Variants in SLC30A2 observed in about 807,000 individuals in gnomAD.
SLC30A2 encodes solute carrier family 30 member 2.
In SLC30A2, 19 loss-of-function variants were observed where a neutral mutation model predicts 39.6. That is an observed-to-expected ratio of 0.48 (90% confidence interval 0.34 to 0.70). The LOEUF (loss-of-function observed/expected upper bound fraction) is 0.70. Among genes scored for constraint, SLC30A2 ranks in the 30% least tolerant of loss-of-function variants. The probability of loss-of-function intolerance (pLI) is 0.01; values close to 1 mark genes in which losing one functional copy is unlikely to be tolerated. For missense variants in SLC30A2, 387 were observed against 479.4 expected (o/e 0.81, Z 1.80); for synonymous variants, 195 against 194.8 (o/e 1.00, Z -0.01).
chr1:26,039,972 G>A lies in SLC30A2; in HGVS notation c.839-61C>T, dbSNP rs1444080694. On this transcript the variant is annotated intron_variant, in intron 6 of 7. Coordinates refer to ENST00000374276, the MANE Select transcript of SLC30A2 (RefSeq NM_001004434.3). The surrounding 1 kb of genome is among the most constrained non-coding windows in gnomAD (Gnocchi z 4.3). ...CTACCCCTCCCACGCCTGCCCATTG[G>A]TGCAGGGCTGGCTCCTGATCCTCAG... 3.1e-6 allele frequency: 5 copies of A among 1,594,182 alleles called. 1 individual carries two copies. The South Asian group carries it at 5.5e-5, about 18-fold the overall frequency.
Position 26,045,187 on chromosome 1 carries a change from C to T in SLC30A2, c.81G>A (p.Gly27=). ...RSYTGSLWQE[G]AGWIPLPRPG... ...GTCGGGGCAGAGGAATCCAGCCAGC[C>T]CCTTCCTGCCACAGAGATCCCGTGT... The change falls in exon 2 of 8, where the codon GGG becomes GGA. Residue 27 remains glycine (G), a synonymous_variant. Transcript: ENST00000374276. 1.2e-6 allele frequency: 2 copies of T among 1,612,346 alleles called. No individual in the cohort carries two copies. The highest frequency in any genetic ancestry group is 1.7e-6 in the Non-Finnish European group (2 of 1,179,818).
chr1:26,039,363 C>G lies in SLC30A2; in HGVS notation c.974-58G>C. 1 of 1,381,850 alleles carries G rather than the reference C, an allele frequency of 7.2e-7. No homozygotes were observed. Among genetic ancestry groups the G allele is most frequent in the South Asian group, 1.2e-5 (1 of 82,982 alleles). The allele number at this position is 1,381,850 out of a possible 1,614,324, so 85.6% of individuals were successfully genotyped here. A position where few individuals can be genotyped will look rare whatever the true frequency, so the allele number is the denominator to read the frequency against. ...ATTTACTCTGGCCCTTTGGAACCATCAGGAGCCCAAATCTCATACCCCATC... is the reference window on the plus strand; with the variant it reads ...ATTTACTCTGGCCCTTTGGAACCATGAGGAGCCCAAATCTCATACCCCATC... On this transcript the variant is annotated intron_variant, in intron 7 of 7. Transcript: ENST00000374276. The surrounding 1 kb of genome is among the most constrained non-coding windows in gnomAD (Gnocchi z 4.3).
At chr1:26,041,374 G>A (rs1314987200) in intron 6 of SLC30A2, among the ~76,000 whole-genome samples, 3 of 152,198 alleles carry the variant, frequency 2.0e-5, no homozygotes, top group African/African-American at 4.8e-5. Context: ...AGAGCCTGGG[G>A]AAGTGTATAG....
rs1208574995 is a variant in SLC30A2, at chr1:26,043,508, C to A, written c.462G>T (p.Val154=). ...ALVSVLSIWV[V]TGVLVYLAVE... ...CAGCCAGGTACACCAGTACCCCCGTCACGACCCAGATGGACAGTACAGAGA... is the reference window on the plus strand; with the variant it reads ...CAGCCAGGTACACCAGTACCCCCGTAACGACCCAGATGGACAGTACAGAGA... Residue 154 remains valine (V), a synonymous_variant, in exon 4 of 8, where the codon GTG becomes GTT. Transcript: ENST00000374276. 6.2e-7 allele frequency: 1 copy of A among 1,614,160 alleles called. No individual in the cohort carries two copies. The highest frequency in any genetic ancestry group is 8.5e-7 in the Non-Finnish European group (1 of 1,180,006).
In SLC30A2 at chr1:26,039,894, C is replaced by T. The variant is rs755953666; in HGVS notation, c.856G>A (p.Asp286Asn). The change falls in exon 7 of 8, where the codon GAC becomes AAC. Residue 286 changes from aspartate (D) to asparagine (N), a missense_variant. Transcript: ENST00000374276. This position sits in a 1 kb window ranked among gnomAD's most constrained non-coding sequence, Gnocchi z 4.3. Reference sequence around the variant, plus strand: ...AGCAGATCACGAACAGCTGTGAAGTCAACGCCCTTGGGGGTCCCTGAGGAC... The same window carrying T: ...AGCAGATCACGAACAGCTGTGAAGTTAACGCCCTTGGGGGTCCCTGAGGAC... ...VLMEGTPKGV[D>N]FTAVRDLLLS... 1.2e-6 allele frequency: 2 copies of T among 1,614,056 alleles called. No individual in the cohort carries two copies. Among genetic ancestry groups the T allele is most frequent in the Admixed American group, 1.7e-5 (1 of 60,016 alleles).
rs898661642 is a variant in SLC30A2, at chr1:26,038,255, T to C, written c.*905A>G. On this transcript the variant is annotated 3_prime_UTR_variant, in exon 8 of 8. Transcript: ENST00000374276. ...AAAAGCCACCCCTAAGTCAGGAATCTTCACACACAAGCCCCAGGAAGCTGC... is the reference window on the plus strand; with the variant it reads ...AAAAGCCACCCCTAAGTCAGGAATCCTCACACACAAGCCCCAGGAAGCTGC... 3.9e-5 allele frequency: 6 copies of C among 152,258 alleles called. No individual in the cohort carries two copies. The highest frequency in any genetic ancestry group is 8.8e-5 in the Non-Finnish European group (6 of 68,078). The allele number at this position is 152,258 out of a possible 1,614,324, so 9.4% of individuals were successfully genotyped here.
At position 26,044,358 on chromosome 1, in the gene SLC30A2, A is replaced by G. The variant is rs2050435412; in HGVS notation, c.358T>C (p.Ser120Pro). Residue 120 changes from serine (S) to proline (P), a missense_variant, in exon 3 of 8, where the codon TCC becomes CCC. Coordinates refer to ENST00000374276, the MANE Select transcript of SLC30A2 (RefSeq NM_001004434.3). The stretch of plus-strand genomic sequence containing the variant: ...GCTGGCCGGGAGGACATCCAGAGGG[A>G]GAAGAGGCTGATGAGCATGCTGGCA... ...DFASMLISLFSLWMSSRPATK... is the reference protein window; with the variant it reads ...DFASMLISLFPLWMSSRPATK... 6.2e-7 allele frequency: 1 copy of G among 1,613,890 alleles called. No individual in the cohort carries two copies. Among genetic ancestry groups the G allele is most frequent in the African/African-American group, 1.3e-5 (1 of 74,904 alleles).
chr1:26,041,154 C>T lies in SLC30A2; in HGVS notation c.838+546G>A, dbSNP rs116240614. ...TCAGGGCAGACCAGATCATTCTCCA[C>T]CACTGACCGTTCTCCAACCCCACAA... On this transcript the variant is annotated intron_variant, in intron 6 of 7. Transcript: ENST00000374276. Among the ~76,000 whole-genome samples the T allele has an allele frequency of 9.7e-3, 1,470 of 152,166 alleles. 24 individuals are homozygous for T. The highest frequency in any genetic ancestry group is 0.034 in the African/African-American group (1,397 of 41,518).
At position 26,046,041 on chromosome 1, in the gene SLC30A2, C is replaced by A; in HGVS notation, c.-145G>T. 1 of 1,359,312 alleles carries A rather than the reference C, an allele frequency of 7.4e-7. No homozygotes were observed. Among genetic ancestry groups the A allele is most frequent in the Non-Finnish European group, 9.4e-7 (1 of 1,064,678 alleles). The allele number at this position is 1,359,312 out of a possible 1,614,324, so 84.2% of individuals were successfully genotyped here. A position where few individuals can be genotyped will look rare whatever the true frequency, so the allele number is the denominator to read the frequency against. ...TCACTCCGGCCCGGCTCCTGCGGCC[C>A]CTGAGCTCCCCCGGCTCCCGCTGCG... is the stretch of plus-strand genomic sequence containing the variant. On this transcript the variant is annotated 5_prime_UTR_variant, in exon 1 of 8. Coordinates refer to ENST00000374276, the MANE Select transcript of SLC30A2 (RefSeq NM_001004434.3). This position sits in a 1 kb window ranked among gnomAD's most constrained non-coding sequence, Gnocchi z 4.4.
intron 5 of SLC30A2, 26 bp from the exon 6 acceptor site, chr1:26,041,831 T>G: frequency 7.2e-7 from 1 of 1,394,622 alleles, no homozygotes; most frequent in Non-Finnish European, 1.0e-6. Context: ...AAGGCAGACC[T>G]GGAGTTCACC....
At chr1:26,043,625 G>A in intron 3 of SLC30A2, 74 bp from the exon 4 acceptor site, 1 of 1,475,894 alleles carries the variant, frequency 6.8e-7, no homozygotes, top group African/African-American at 1.4e-5. Flanking sequence ...CTTCCTTCAG[G>A]ATCCTCCCCA....
At chr1:26,043,345 G>T in intron 4 of SLC30A2, 53 bp downstream of exon 4, 3 of 1,562,072 alleles carry the variant, frequency 1.9e-6, no homozygotes, top group Non-Finnish European at 1.8e-6. Flanking sequence ...ATAGGTGTGG[G>T]TGTGAGAGGC....
At position 26,039,446 on chromosome 1, in the gene SLC30A2, C is replaced by G; in HGVS notation, c.974-141G>C. The G allele has an allele frequency of 2.8e-6, 2 of 702,828 alleles. No homozygotes were observed. The highest frequency in any genetic ancestry group is 4.7e-6 in the Non-Finnish European group (2 of 428,104). 43.5% of individuals were successfully genotyped at this position (702,828 alleles called of 1,614,324 possible). On this transcript the variant is annotated intron_variant, in intron 7 of 7. Coordinates refer to ENST00000374276, the MANE Select transcript of SLC30A2 (RefSeq NM_001004434.3). This position sits in a 1 kb window ranked among gnomAD's most constrained non-coding sequence, Gnocchi z 4.3. ...GGAGAAGCCCCCAGATTCCATTCCTCTGCCAGGTAGCCTCCCAGCCCAGAC... is the reference window on the plus strand; with the variant it reads ...GGAGAAGCCCCCAGATTCCATTCCTGTGCCAGGTAGCCTCCCAGCCCAGAC...
Position 26,043,644 on chromosome 1 carries a change from C to T in SLC30A2, c.419-93G>A, listed in dbSNP as rs892135186. 15 of 1,356,904 alleles carry T rather than the reference C, an allele frequency of 1.1e-5. No homozygotes were observed. The African/African-American group carries it at 2.2e-4, about 20-fold the overall frequency. The allele number at this position is 1,356,904 out of a possible 1,614,324, so 84.1% of individuals were successfully genotyped here. On this transcript the variant is annotated intron_variant, in intron 3 of 7. Transcript: ENST00000374276. ...CTTCAGGATCCTCCCCACCCACCTC[C>T]CACACAAAGTCAGGGCCTGGGTCCC...
chr1:26,040,615 G>A (rs532957261), intron 6 of SLC30A2, among the ~76,000 whole-genome samples: 1 of 152,266 alleles, frequency 6.6e-6, no homozygotes, highest in Admixed American at 6.5e-5. Flanking sequence ...CCCACCCAGG[G>A]CACGATCATC....
rs1430309843 is a variant in SLC30A2, at chr1:26,044,959, A to G, written c.271+38T>C. The G allele has an allele frequency of 5.2e-6, 8 of 1,543,768 alleles. No homozygotes were observed. The Admixed American group carries it at 6.7e-5, about 13-fold the overall frequency. ...ATTGCTGGGAACATCCAGTCTATCC[A>G]TGCACCAACTTCATTTAATTAGCCC... On this transcript the variant is annotated intron_variant, in intron 2 of 7. Coordinates refer to ENST00000374276, the MANE Select transcript of SLC30A2 (RefSeq NM_001004434.3).
At chr1:26,041,096 C>CA (rs1299396319) in intron 6 of SLC30A2, among the ~76,000 whole-genome samples, 1 of 148,602 alleles carries the variant, frequency 6.7e-6, no homozygotes, top group Non-Finnish European at 1.5e-5. Context: ...GACCCTGTTT[C>CA]AAAAAAAAGA....
At position 26,039,217 on chromosome 1, in the gene SLC30A2, G is replaced by A. The variant is rs147469106; in HGVS notation, c.1062C>T (p.Ile354=). Reference sequence around the variant, plus strand: ...CCTTCATGTCCTCCGAGTAGTCCTCGATCTGGATGGTCACGGTGTGGAAGT... The same window carrying A: ...CCTTCATGTCCTCCGAGTAGTCCTCAATCTGGATGGTCACGGTGTGGAAGT... ...KFHFHTVTIQ[I]EDYSEDMKDC... The change falls in exon 8 of 8, where the codon ATC becomes ATT. Residue 354 remains isoleucine (I), a synonymous_variant. Transcript: ENST00000374276. The surrounding 1 kb of genome is among the most constrained non-coding windows in gnomAD (Gnocchi z 4.3). 237 of 1,614,132 alleles carry A rather than the reference G, an allele frequency of 1.5e-4. No individual in the cohort carries two copies. Among genetic ancestry groups the A allele is most frequent in the African/African-American group, 2.4e-4 (18 of 75,054 alleles).
chr1:26,039,291 C>A lies in SLC30A2; in HGVS notation c.988G>T (p.Ala330Ser), dbSNP rs149723161. ...CTGGCTGTCTTCAGCACAGCCTGGG[C>A]GTCTGTATTCTGAGCTGGGGGCCGA... ...VHIAIAQNTDAQAVLKTASSR... is the reference protein window; with the variant it reads ...VHIAIAQNTDSQAVLKTASSR... Residue 330 changes from alanine (A) to serine (S), a missense_variant, in exon 8 of 8, where the codon GCC becomes TCC. Coordinates refer to ENST00000374276, the MANE Select transcript of SLC30A2 (RefSeq NM_001004434.3). The surrounding 1 kb of genome is among the most constrained non-coding windows in gnomAD (Gnocchi z 4.3). The A allele has an allele frequency of 3.1e-6, 5 of 1,613,646 alleles. No homozygotes were observed. Among genetic ancestry groups the A allele is most frequent in the Non-Finnish European group, 4.2e-6 (5 of 1,179,696 alleles).
Sources: gnomAD v4.1 joint callset for allele counts (sites outside exome capture counted in the v4.1 genomes callset) on GRCh38, gnomAD v4.1.1 for gene constraint, Gnocchi (gnomAD v3.1) non-coding constraint, MANE v1.5 for transcripts, NCBI Gene and HGNC (gene_info 2026-07-23, HGNC 2026-07-21) for gene names.